Variants in ARIH2 observed in about 807,000 individuals in gnomAD.
ARIH2 encodes E3 ubiquitin-protein ligase ARIH2.
Under a neutral mutation model 79.8 loss-of-function variants are expected in ARIH2, and 12 were observed. That is an observed-to-expected ratio of 0.15 (90% confidence interval 0.10 to 0.24). The LOEUF is 0.24. Ranked by LOEUF, ARIH2 falls within the 10% of genes least tolerant of loss-of-function variation. The pLI, the probability that ARIH2 is intolerant of heterozygous loss-of-function variation, is 1.00. For missense variants in ARIH2, 301 were observed against 618.3 expected, an observed-to-expected ratio of 0.49 and a Z score of 5.44; for synonymous variants, 224 against 213.9, an observed-to-expected ratio of 1.05 and a Z score of -0.41.
chr3:48,964,804 C>A, intron 4 of ARIH2, 115 bp from the exon 5 acceptor site: 1 of 766,200 alleles, frequency 1.3e-6, no homozygotes, highest in Non-Finnish European at 2.1e-6. Context: ...AAGCTTAGTT[C>A]TGTGAGAAAG....
At chr3:48,944,783 CT>C (rs2088880765) in intron 3 of ARIH2, among the ~76,000 whole-genome samples, 1 of 152,184 alleles carries the variant, frequency 6.6e-6, no homozygotes, top group Non-Finnish European at 1.5e-5. Flanking sequence ...TGTCTCTGTG[CT>C]TTAACCTTCT....
chr3:48,973,258 A>G (rs2092336067), intron 8 of ARIH2, among the ~76,000 whole-genome samples: 1 of 152,188 alleles, frequency 6.6e-6, no homozygotes, highest in Non-Finnish European at 1.5e-5. Flanking sequence ...CCTGGCCAAC[A>G]TGGTGAAACC....
chr3:48,944,886 G>A (rs1002751393), intron 3 of ARIH2: 1 of 354,660 alleles, frequency 2.8e-6, no homozygotes, highest in Non-Finnish European at 5.5e-6. Flanking sequence ...ATCTCTTTAG[G>A]CTGATTTTCC....
chr3:48,945,082 T>C, intron 3 of ARIH2: 1 of 1,278,600 alleles, frequency 7.8e-7, no homozygotes. Context: ...TTTCAGGCAG[T>C]TGGCAAGTAA....
At chr3:48,983,031 T>C (rs763202299) in intron 15 of ARIH2, 52 bp downstream of exon 15, 1 of 1,563,712 alleles carries the variant, frequency 6.4e-7, no homozygotes, top group Admixed American at 1.7e-5. Context: ...AGGACTGGCA[T>C]GGTAATAGGT....
At chr3:48,953,822 G>A (rs7372883) in intron 3 of ARIH2, among the ~76,000 whole-genome samples, 124,231 of 151,900 alleles carry the variant, frequency 0.82, 51,165 homozygotes, top group East Asian at 1. Context: ...TTAGCCTCCT[G>A]AGTAGCTGGG....
chr3:48,979,554 A>G lies in ARIH2; in HGVS notation c.1034A>G (p.Glu345Gly), dbSNP rs750091114. 6 of 1,614,258 alleles carry G rather than the reference A, an allele frequency of 3.7e-6. No homozygotes were observed. The highest frequency in any genetic ancestry group is 4.2e-6 in the Non-Finnish European group (5 of 1,180,042). The part of the protein sequence containing the change: ...SEYYECSRYK[E>G]NPDIVNQSQQ... ...TACTATGAGTGCAGTCGTTACAAGG[A>G]GAATCCTGACATCGTGAACCAGAGC... Residue 345 changes from glutamate to glycine, a missense_variant, in exon 12 of 16, where the codon GAG becomes GGG. Transcript: ENST00000356401.
intron 4 of ARIH2, among the ~76,000 whole-genome samples, chr3:48,962,113 A>G (rs557739662): frequency 3.2e-4 from 49 of 152,268 alleles, no homozygotes; most frequent in African/African-American, 1.0e-3. Flanking sequence ...GTGGTGGCTC[A>G]TGCCTGTAAT....
chr3:48,972,555 A>G (rs1244585819), intron 8 of ARIH2, among the ~76,000 whole-genome samples: 1 of 152,076 alleles, frequency 6.6e-6, no homozygotes, highest in Non-Finnish European at 1.5e-5. Context: ...GAGGCAGGAA[A>G]ATCACTTGAA....
At chr3:48,963,052 A>G (rs1223043921) in intron 4 of ARIH2, among the ~76,000 whole-genome samples, 1 of 152,112 alleles carries the variant, frequency 6.6e-6, no homozygotes, top group Non-Finnish European at 1.5e-5. Context: ...TATTTTTAGT[A>G]GAATTTATCT....
chr3:48,982,686 G>A lies in ARIH2; in HGVS notation c.1327-210G>A, dbSNP rs2092793525. On this transcript the variant is annotated intron_variant, in intron 14 of 15. Coordinates refer to ENST00000356401, the MANE Select transcript of ARIH2 (RefSeq NM_006321.4). ...GGAGGGTGGAGTGGACCTTTTGAGGGTCGAGGGTGAATGTGGCCTTGCTGT... is the reference window on the plus strand; with the variant it reads ...GGAGGGTGGAGTGGACCTTTTGAGGATCGAGGGTGAATGTGGCCTTGCTGT... The A allele has an allele frequency of 5.4e-6, 3 of 555,196 alleles. No individual in the cohort carries two copies. The South Asian group carries it at 6.4e-5, about 12-fold the overall frequency. 34.4% of individuals were successfully genotyped at this position (555,196 alleles called of 1,614,324 possible). A position where few individuals can be genotyped will look rare whatever the true frequency, so the allele number is the denominator to read the frequency against.
chr3:48,933,686 A>G (rs967358339), intron 3 of ARIH2, among the ~76,000 whole-genome samples: 1 of 151,496 alleles, frequency 6.6e-6, no homozygotes, highest in African/African-American at 2.4e-5. Context: ...AGTAGCTGGG[A>G]CTACAGGTGC....
chr3:48,971,061 G>A (rs2092200827), intron 8 of ARIH2, among the ~76,000 whole-genome samples: 1 of 152,088 alleles, frequency 6.6e-6, no homozygotes, highest in South Asian at 2.1e-4. Context: ...CTCTGTCTTG[G>A]CCTTACTTGG....
intron 8 of ARIH2, among the ~76,000 whole-genome samples, chr3:48,971,476 C>T (rs1366645721): frequency 6.6e-6 from 1 of 152,204 alleles, no homozygotes; most frequent in East Asian, 1.9e-4. Flanking sequence ...AACTCCTGAC[C>T]TCGTGATCTG....
At chr3:48,951,775 TTC>T (rs759996401) in intron 3 of ARIH2, among the ~76,000 whole-genome samples, 1 of 152,188 alleles carries the variant, frequency 6.6e-6, no homozygotes, top group Non-Finnish European at 1.5e-5. Flanking sequence ...GTGGTCCATC[TTC>T]TACCTCTGTT....
At chr3:48,953,352 C>T (rs1178703632) in intron 3 of ARIH2, among the ~76,000 whole-genome samples, 1 of 152,090 alleles carries the variant, frequency 6.6e-6, no homozygotes, top group Admixed American at 6.5e-5. Context: ...GCAGTTAGAC[C>T]CCATAAGCTT....
chr3:48,923,213 A>C (rs935449861), intron 2 of ARIH2, among the ~76,000 whole-genome samples: 1 of 151,970 alleles, frequency 6.6e-6, no homozygotes, highest in African/African-American at 2.4e-5. Context: ...TCTCAAAAAA[A>C]AAAAAGAAAC....
At chr3:48,945,293 G>C in intron 3 of ARIH2, 1 of 937,172 alleles carries the variant, frequency 1.1e-6, no homozygotes, top group South Asian at 1.4e-5. Flanking sequence ...GGGCTGGAGA[G>C]CTTCAGCCAG....
At chr3:48,961,975 A>G (rs2091310134) in intron 4 of ARIH2, among the ~76,000 whole-genome samples, 1 of 152,054 alleles carries the variant, frequency 6.6e-6, no homozygotes, top group African/African-American at 2.4e-5. Context: ...CCCATTGTTA[A>G]TTTTTAATCA....
Sources: allele counts gnomAD v4.1 joint callset (sites outside exome capture counted in the v4.1 genomes callset), GRCh38; gene constraint gnomAD v4.1.1; transcripts MANE v1.5; gene names NCBI Gene and HGNC (gene_info 2026-07-23, HGNC 2026-07-21).